The following DOCK1 variants were observed in gnomAD, a reference collection of about 807,000 sequenced individuals.
DOCK1 encodes the protein dedicator of cytokinesis protein 1.
In DOCK1, 138 loss-of-function variants were observed where a neutral mutation model predicts 262.7. That is an observed-to-expected ratio of 0.53 (90% CI 0.46 to 0.61). The LOEUF (loss-of-function observed/expected upper bound fraction) is 0.61. Among genes scored for constraint, DOCK1 ranks in the 20% least tolerant of loss-of-function variants. The probability of loss-of-function intolerance (pLI) is 0.00; values close to 1 mark genes in which losing one functional copy is unlikely to be tolerated. For synonymous variants in DOCK1, 866 were observed against 867.4 expected (o/e 1.00, Z 0.03); for missense variants, 1,908 against 2,370.7 (o/e 0.80, Z 4.05).
chr10:127,342,870 T>C (rs893736808), intron 30 of DOCK1, among the ~76,000 whole-genome samples: 3 of 152,222 alleles, frequency 2.0e-5, no homozygotes, highest in African/African-American at 4.8e-5. Context: ...GTCTAGTGTA[T>C]GTGTGATTTG....
chr10:127,234,471 A>T (rs745472408), intron 27 of DOCK1, among the ~76,000 whole-genome samples: 3 of 152,204 alleles, frequency 2.0e-5, no homozygotes, highest in Non-Finnish European at 2.9e-5. Context: ...AAAGATCCGT[A>T]TGATGAAAAC....
chr10:126,930,182 ATTTG>A (rs2034085022), intron 1 of DOCK1, among the ~76,000 whole-genome samples: 2 of 152,282 alleles, frequency 1.3e-5, no homozygotes, highest in East Asian at 3.9e-4. Context: ...GTAGACCACG[ATTTG>A]TTTGTCCGTT....
chr10:127,363,174 A>C (rs1173297119), intron 33 of DOCK1, among the ~76,000 whole-genome samples: 1 of 152,124 alleles, frequency 6.6e-6, no homozygotes, highest in African/African-American at 2.4e-5. Flanking sequence ...GGAGAAGCCC[A>C]AGTACTAGGG....
chr10:126,907,943 G>A (rs1035173598), intron 1 of DOCK1, among the ~76,000 whole-genome samples: 6 of 152,182 alleles, frequency 3.9e-5, no homozygotes, highest in South Asian at 2.1e-4. Context: ...TTTAAAAGGC[G>A]AAAAGTATCT....
chr10:127,318,226 G>A (rs759835043), intron 29 of DOCK1, among the ~76,000 whole-genome samples: 1 of 152,242 alleles, frequency 6.6e-6, no homozygotes, highest in Non-Finnish European at 1.5e-5. Flanking sequence ...GGGCTGGGCA[G>A]AGTGCTAGAA....
At chr10:127,131,307 G>A (rs1465879994) in intron 27 of DOCK1, among the ~76,000 whole-genome samples, 1 of 152,136 alleles carries the variant, frequency 6.6e-6, no homozygotes, top group African/African-American at 2.4e-5. Context: ...AAGCCTCAAA[G>A]TGGGAAGAGG....
intron 1 of DOCK1, among the ~76,000 whole-genome samples, chr10:126,947,447 GGTGGTGGTGGTTGGT>G (rs2134316068): frequency 7.5e-5 from 11 of 146,414 alleles, no homozygotes; most frequent in African/African-American, 1.5e-4. Flanking sequence ...TGTTGGTGGT[GGTGGTGGTGGTTGGT>G]AGTATTACTG....
intron 27 of DOCK1, among the ~76,000 whole-genome samples, chr10:127,169,065 G>A (rs931978940): frequency 1.3e-5 from 2 of 152,096 alleles, no homozygotes; most frequent in East Asian, 1.9e-4. Context: ...CTAGGTTAAC[G>A]CAAGTCACAT....
intron 32 of DOCK1, among the ~76,000 whole-genome samples, chr10:127,356,385 C>A (rs949774942): frequency 1.3e-5 from 2 of 152,216 alleles, no homozygotes; most frequent in Non-Finnish European, 2.9e-5. Context: ...TTTCAAGAGC[C>A]TTCCAATTCC....
chr10:127,049,140 G>GTA (rs2044540348), intron 21 of DOCK1, among the ~76,000 whole-genome samples: 2 of 152,018 alleles, frequency 1.3e-5, no homozygotes, highest in Admixed American at 6.5e-5. Flanking sequence ...AACTTCAATT[G>GTA]TATATATACA....
intron 24 of DOCK1, among the ~76,000 whole-genome samples, chr10:127,109,206 T>C (rs1043955177): frequency 1.3e-5 from 2 of 152,168 alleles, no homozygotes; most frequent in Non-Finnish European, 2.9e-5. Context: ...GTGTCTGTTT[T>C]CCCAAAATAT....
At chr10:127,244,277 T>G (rs1338520472) in intron 27 of DOCK1, among the ~76,000 whole-genome samples, 3 of 152,188 alleles carry the variant, frequency 2.0e-5, no homozygotes, top group Non-Finnish European at 4.4e-5. Flanking sequence ...GTACTTTATC[T>G]TGCAACCCTA....
At chr10:127,050,483 T>C (rs9418814) in intron 21 of DOCK1, among the ~76,000 whole-genome samples, 95,305 of 151,728 alleles carry the variant, frequency 0.63, 30,496 homozygotes, top group South Asian at 0.72. Context: ...GAGGCTGAGG[T>C]GGGTGGATCA....
chr10:126,977,910 C>T, intron 2 of DOCK1, 38 bp from the exon 3 acceptor site: 1 of 1,609,248 alleles, frequency 6.2e-7, no homozygotes, highest in South Asian at 1.1e-5. Context: ...CCTAACATGT[C>T]TCTTTGTACT....
At chr10:127,277,205 T>C (rs1248802446) in intron 29 of DOCK1, among the ~76,000 whole-genome samples, 2 of 151,950 alleles carry the variant, frequency 1.3e-5, no homozygotes, top group Non-Finnish European at 2.9e-5. Context: ...TTTAAAAATG[T>C]AGAAGCATTT....
At chr10:127,169,808 T>C (rs2054397411) in intron 27 of DOCK1, among the ~76,000 whole-genome samples, 1 of 152,212 alleles carries the variant, frequency 6.6e-6, no homozygotes, top group Admixed American at 6.5e-5. Flanking sequence ...TATGTGTATG[T>C]GCACATGACC....
chr10:127,383,725 G>C (rs754154673), intron 37 of DOCK1, among the ~76,000 whole-genome samples: 6 of 152,180 alleles, frequency 3.9e-5, no homozygotes, highest in Non-Finnish European at 5.9e-5. Flanking sequence ...TTCCCACTTA[G>C]TGCCTTTGCA....
chr10:127,209,557 A>G (rs1197893210), intron 27 of DOCK1, among the ~76,000 whole-genome samples: 1 of 152,134 alleles, frequency 6.6e-6, no homozygotes, highest in African/African-American at 2.4e-5. Context: ...CCTGGGGTGT[A>G]TTTCACATTA....
chr10:127,328,119 C>CAAAAAAAAAAAAAAAAAAAAAAAAA (rs11301683), intron 29 of DOCK1, among the ~76,000 whole-genome samples: 1 of 72,538 alleles, frequency 1.4e-5, no homozygotes. Context: ...TACAAATGGG[C>CAAAAAAAAAAAAAAAAAAAAAAAAA]AAAAAAAAAA....
Sources: allele counts gnomAD v4.1 joint callset (sites outside exome capture counted in the v4.1 genomes callset), GRCh38; gene constraint gnomAD v4.1.1; transcripts MANE v1.5; gene names NCBI Gene and HGNC (gene_info 2026-07-23, HGNC 2026-07-21).